Variants in GRIA4 observed in about 807,000 individuals in gnomAD.
GRIA4 encodes the protein glutamate receptor 4.
Under a neutral mutation model 104.0 loss-of-function variants are expected in GRIA4, and 34 were observed. The ratio of observed to expected loss-of-function variants is 0.33; its 90% CI spans 0.25 to 0.44. The LOEUF (loss-of-function observed/expected upper bound fraction) is 0.44. GRIA4 is among the 20% of genes least tolerant of loss of function. The pLI, the probability that GRIA4 is intolerant of heterozygous loss-of-function variation, is 1.00. For synonymous variants in GRIA4, 386 were observed against 381.9 expected (o/e 1.01, Z -0.13); for missense variants, 750 against 1,096.5 (o/e 0.68, Z 4.46).
At chr11:105,883,508 T>G (rs920622480) in intron 5 of GRIA4, among the ~76,000 whole-genome samples, 2 of 147,690 alleles carry the variant, frequency 1.4e-5, no homozygotes, top group Admixed American at 6.7e-5. Flanking sequence ...TTACCACCTA[T>G]GAGTCAGAAC....
At chr11:105,877,971 C>T (rs926444866) in intron 5 of GRIA4, among the ~76,000 whole-genome samples, 8 of 152,190 alleles carry the variant, frequency 5.3e-5, no homozygotes, top group African/African-American at 9.6e-5. Context: ...ATTTGTGATC[C>T]TTTGGAGGAG....
At chr11:105,903,712 C>T (rs1946945058) in intron 7 of GRIA4, 102 bp from the exon 8 acceptor site, 1 of 752,368 alleles carries the variant, frequency 1.3e-6, no homozygotes, top group Non-Finnish European at 2.3e-6. Context: ...ATCCTTCAGA[C>T]AGAATGGTGC....
intron 5 of GRIA4, among the ~76,000 whole-genome samples, chr11:105,885,073 T>C (rs181516609): frequency 1.0e-3 from 152 of 152,240 alleles, no homozygotes; most frequent in African/African-American, 3.5e-3. Context: ...GATTGCTGAG[T>C]GGCAACAACC....
At chr11:105,679,932 CT>C (rs1429354812) in intron 3 of GRIA4, among the ~76,000 whole-genome samples, 3 of 152,086 alleles carry the variant, frequency 2.0e-5, no homozygotes, top group African/African-American at 4.8e-5. Context: ...TAGTCTCCCC[CT>C]GACTTTAAAC....
chr11:105,637,946 C>T (rs991779399), intron 3 of GRIA4, among the ~76,000 whole-genome samples: 2 of 152,076 alleles, frequency 1.3e-5, no homozygotes, highest in African/African-American at 2.4e-5. Flanking sequence ...TTTTTAATTT[C>T]ATTCATTTAT....
At chr11:105,782,920 T>G (rs1941792867) in intron 4 of GRIA4, among the ~76,000 whole-genome samples, 1 of 152,168 alleles carries the variant, frequency 6.6e-6, no homozygotes, top group African/African-American at 2.4e-5. Context: ...GGTTGGAAGA[T>G]TGAGTGAAAT....
At chr11:105,874,999 A>T (rs778225070) in intron 5 of GRIA4, among the ~76,000 whole-genome samples, 20 of 152,218 alleles carry the variant, frequency 1.3e-4, no homozygotes, top group Non-Finnish European at 2.6e-4. Flanking sequence ...GCCAGTTTTC[A>T]AAGGGAATGC....
At chr11:105,695,494 GTGTGTGTC>G (rs1273384104) in intron 3 of GRIA4, among the ~76,000 whole-genome samples, 3 of 119,864 alleles carry the variant, frequency 2.5e-5, no homozygotes, top group Non-Finnish European at 5.5e-5. Flanking sequence ...GTGTGTGTGT[GTGTGTGTC>G]TGTGTGTGTG....
At chr11:105,653,074 A>G (rs1408356557) in intron 3 of GRIA4, among the ~76,000 whole-genome samples, 1 of 151,554 alleles carries the variant, frequency 6.6e-6, no homozygotes, top group African/African-American at 2.4e-5. Context: ...ACCACACCCG[A>G]CTAATTTTTT....
At chr11:105,933,999 G>A in intron 14 of GRIA4, 30 bp downstream of exon 14, 1 of 1,563,862 alleles carries the variant, frequency 6.4e-7, no homozygotes, top group South Asian at 1.2e-5. Flanking sequence ...AATATAACAT[G>A]TGTTGTTATA....
chr11:105,789,884 G>A (rs1365425843), intron 4 of GRIA4, among the ~76,000 whole-genome samples: 3 of 152,140 alleles, frequency 2.0e-5, no homozygotes, highest in African/African-American at 7.2e-5. Flanking sequence ...TGAAGTCATT[G>A]TGGTACTCTT....
chr11:105,974,664 T>A, intron 16 of GRIA4: 1 of 1,173,174 alleles, frequency 8.5e-7, no homozygotes, highest in Non-Finnish European at 1.2e-6. Context: ...TAGAGCTTTA[T>A]ATTTTTGAAA....
chr11:105,619,736 T>C (rs1177132540), intron 3 of GRIA4, among the ~76,000 whole-genome samples: 1 of 151,916 alleles, frequency 6.6e-6, no homozygotes, highest in Admixed American at 6.6e-5. Flanking sequence ...AATCAAACTT[T>C]TGAACAGCTT....
intron 4 of GRIA4, among the ~76,000 whole-genome samples, chr11:105,831,253 T>C (rs899174084): frequency 3.3e-5 from 5 of 152,016 alleles, no homozygotes; most frequent in African/African-American, 1.2e-4. Flanking sequence ...CCTTGTGGCT[T>C]TCTTAAAGCA....
intron 4 of GRIA4, among the ~76,000 whole-genome samples, chr11:105,803,871 G>A (rs1381192603): frequency 1.6e-4 from 24 of 148,516 alleles, no homozygotes; most frequent in African/African-American, 5.4e-4. Context: ...AAGAGAGAGA[G>A]AGAGAGAGAA....
intron 4 of GRIA4, among the ~76,000 whole-genome samples, chr11:105,791,905 A>G (rs1051783875): frequency 1.3e-5 from 2 of 152,148 alleles, no homozygotes; most frequent in Non-Finnish European, 2.9e-5. Context: ...ACAAATAGGA[A>G]ATGTAGAAGG....
intron 14 of GRIA4, among the ~76,000 whole-genome samples, chr11:105,969,578 T>A (rs1232974458): frequency 2.6e-5 from 4 of 152,262 alleles, no homozygotes; most frequent in African/African-American, 9.6e-5. Flanking sequence ...TTATTCACAA[T>A]TTTGCCTTCA....
At chr11:105,614,448 GATAA>G (rs1414474302) in intron 3 of GRIA4, 1 of 151,686 alleles carries the variant, frequency 6.6e-6, no homozygotes, top group East Asian at 1.9e-4. Flanking sequence ...TTGTAAACAT[GATAA>G]ATATTAGCAA....
At chr11:105,873,826 A>G (rs867193185) in intron 5 of GRIA4, among the ~76,000 whole-genome samples, 1 of 152,170 alleles carries the variant, frequency 6.6e-6, no homozygotes, top group African/African-American at 2.4e-5. Context: ...GCCCTTTGTC[A>G]GATGGATAGA....
Sources: allele counts gnomAD v4.1 joint callset (sites outside exome capture counted in the v4.1 genomes callset), GRCh38; gene constraint gnomAD v4.1.1; transcripts MANE v1.5; gene names NCBI Gene and HGNC (gene_info 2026-07-23, HGNC 2026-07-21).